MAN1A1: variants seen among roughly 807,000 people sequenced by gnomAD.
The protein encoded by MAN1A1 is mannosidase alpha class 1A member 1.
A neutral mutation model predicts 70.8 loss-of-function variants in MAN1A1; 29 were observed. The observed-to-expected ratio is 0.41, with a 90% CI of 0.31 to 0.56. MAN1A1 has a LOEUF of 0.56. MAN1A1 is among the 20% of genes least tolerant of loss of function. MAN1A1 has a pLI of 0.29. For synonymous variants in MAN1A1, 349 were observed against 330.1 expected (o/e 1.06, Z -0.62); for missense variants, 747 against 841.3 (o/e 0.89, Z 1.39).
intron 5 of MAN1A1, among the ~76,000 whole-genome samples, chr6:119,271,269 A>G (rs1388712375): frequency 6.6e-6 from 1 of 152,216 alleles, no homozygotes; most frequent in Non-Finnish European, 1.5e-5. Flanking sequence ...GTTCTAGAAA[A>G]ATGGATTTAA....
chr6:119,211,666 A>AGT (rs1335227911), intron 6 of MAN1A1, among the ~76,000 whole-genome samples: 1 of 152,174 alleles, frequency 6.6e-6, no homozygotes, highest in Non-Finnish European at 1.5e-5. Flanking sequence ...AATGGTCTGA[A>AGT]GTGACTTCTA....
chr6:119,290,743 A>G lies in MAN1A1; in HGVS notation c.837T>C (p.Phe279=). 6.2e-7 allele frequency: 1 copy of G among 1,610,704 alleles called. No homozygotes were observed. The highest frequency in any genetic ancestry group is 8.5e-7 in the Non-Finnish European group (1 of 1,177,834). ...DFNVNAEISV[F]EVNIRFVGGL... is the part of the protein sequence containing the mutation. The stretch of plus-strand genomic sequence containing the variant: ...CACCAACAAAGCGTATATTTACTTC[A>G]AAGACAGAAATTTCAGCATTCTATG... Residue 279 remains phenylalanine (F), a synonymous_variant, in exon 5 of 13, where the codon TTT becomes TTC. Transcript: ENST00000368468.
chr6:119,232,527 T>C (rs777649705), intron 6 of MAN1A1, among the ~76,000 whole-genome samples: 1 of 152,090 alleles, frequency 6.6e-6, no homozygotes, highest in Non-Finnish European at 1.5e-5. Context: ...TTGCCCTGAG[T>C]ATTGGGAAGT....
intron 11 of MAN1A1, among the ~76,000 whole-genome samples, chr6:119,186,814 C>T (rs563668060): frequency 2.0e-5 from 3 of 152,262 alleles, no homozygotes; most frequent in East Asian, 1.9e-4. Context: ...GCCATGCCTT[C>T]GAAGTCCCAG....
chr6:119,331,802 G>A (rs1255751593), intron 2 of MAN1A1: 1 of 265,438 alleles, frequency 3.8e-6, no homozygotes, highest in African/African-American at 2.3e-5. Context: ...TCAGGCAGAG[G>A]AGTGACTGCA....
chr6:119,257,732 A>C (rs1008224744), intron 5 of MAN1A1, among the ~76,000 whole-genome samples: 2 of 152,118 alleles, frequency 1.3e-5, no homozygotes, highest in Admixed American at 6.6e-5. Flanking sequence ...CCCAATGGCT[A>C]TACAGCTCTA....
chr6:119,214,945 A>AATCTC (rs5879489), intron 6 of MAN1A1, among the ~76,000 whole-genome samples: 129,706 of 151,562 alleles, frequency 0.86, 55,816 homozygotes, highest in Non-Finnish European at 0.9. Flanking sequence ...CTAAAATAAA[A>AATCTC]AGAATAGCAT....
intron 5 of MAN1A1, among the ~76,000 whole-genome samples, chr6:119,289,091 TA>T (rs1776461374): frequency 1.3e-5 from 2 of 151,640 alleles, no homozygotes; most frequent in South Asian, 4.1e-4. Context: ...ACATATCAAG[TA>T]TACACATATA....
intron 6 of MAN1A1, among the ~76,000 whole-genome samples, chr6:119,223,298 G>A (rs1774416754): frequency 6.6e-6 from 1 of 151,950 alleles, no homozygotes; most frequent in South Asian, 2.1e-4. Context: ...CATAGCCTAT[G>A]CAGTTTATAA....
At chr6:119,267,576 T>C (rs776124254) in intron 5 of MAN1A1, among the ~76,000 whole-genome samples, 1 of 152,126 alleles carries the variant, frequency 6.6e-6, no homozygotes, top group Non-Finnish European at 1.5e-5. Context: ...TACAGCTGTA[T>C]AGCCTAGTGT....
At chr6:119,335,759 T>A (rs1435696177) in intron 2 of MAN1A1, among the ~76,000 whole-genome samples, 2 of 152,186 alleles carry the variant, frequency 1.3e-5, no homozygotes, top group Non-Finnish European at 2.9e-5. Flanking sequence ...AACCATAAAG[T>A]AAACAAGGTG....
At chr6:119,214,078 C>T (rs566645130) in intron 6 of MAN1A1, among the ~76,000 whole-genome samples, 1 of 152,268 alleles carries the variant, frequency 6.6e-6, no homozygotes, top group East Asian at 1.9e-4. Context: ...AATTCTCCTT[C>T]CTCAGCCTCC....
chr6:119,308,089 T>C (rs2114452336), intron 2 of MAN1A1, among the ~76,000 whole-genome samples: 1 of 152,336 alleles, frequency 6.6e-6, no homozygotes, highest in African/African-American at 2.4e-5. Flanking sequence ...ACTTTAGTAT[T>C]GTAACCAATT....
intron 2 of MAN1A1, among the ~76,000 whole-genome samples, chr6:119,336,319 C>A (rs767614918): frequency 2.6e-5 from 4 of 152,144 alleles, no homozygotes; most frequent in Non-Finnish European, 5.9e-5. Flanking sequence ...ATCCTCCCTT[C>A]GGCCTCCCAA....
At chr6:119,190,277 G>A (rs888675569) in intron 9 of MAN1A1, among the ~76,000 whole-genome samples, 1 of 152,212 alleles carries the variant, frequency 6.6e-6, no homozygotes, top group African/African-American at 2.4e-5. Context: ...GAAGAACACA[G>A]CATATTTGTG....
At chr6:119,341,206 G>A (rs936223261) in intron 2 of MAN1A1, among the ~76,000 whole-genome samples, 2 of 151,974 alleles carry the variant, frequency 1.3e-5, no homozygotes, top group African/African-American at 4.8e-5. Flanking sequence ...CTCAGTGGGG[G>A]CGGGGCACTG....
At chr6:119,315,973 A>T (rs574938620) in intron 2 of MAN1A1, among the ~76,000 whole-genome samples, 8 of 152,078 alleles carry the variant, frequency 5.3e-5, no homozygotes, top group Admixed American at 5.2e-4. Flanking sequence ...TAACACGGAA[A>T]CTTTGAATTC....
At chr6:119,268,094 G>T (rs1488236185) in intron 5 of MAN1A1, among the ~76,000 whole-genome samples, 1 of 152,134 alleles carries the variant, frequency 6.6e-6, no homozygotes, top group Non-Finnish European at 1.5e-5. Flanking sequence ...TGGTGACCAT[G>T]GTCCAGATCC....
chr6:119,284,331 T>C lies in MAN1A1; in HGVS notation c.897+6352A>G, dbSNP rs185423971. 2.0e-4 allele frequency among the ~76,000 whole-genome samples: 30 copies of C among 152,242 alleles called. No homozygotes were observed. In the Middle Eastern group the frequency reaches 0.02, roughly 104 times the overall value. On this transcript the variant is annotated intron_variant, in intron 5 of 12. Coordinates refer to ENST00000368468, the MANE Select transcript of MAN1A1 (RefSeq NM_005907.4). The stretch of plus-strand genomic sequence containing the variant: ...CCACTCTGTACAGGTGAGGACACTA[T>C]ATAAAAACATGCCTAGAAGGGTCTT...
Sources: gnomAD v4.1 joint callset for allele counts (sites outside exome capture counted in the v4.1 genomes callset) on GRCh38, gnomAD v4.1.1 for gene constraint, MANE v1.5 for transcripts, NCBI Gene and HGNC (gene_info 2026-07-23, HGNC 2026-07-21) for gene names.